The following MBD5 variants were observed in gnomAD, a reference collection of about 807,000 sequenced individuals.
The protein encoded by MBD5 is methyl-CpG binding domain protein 5.
Under a neutral mutation model 117.3 loss-of-function variants are expected in MBD5, and 13 were observed. The observed-to-expected ratio is 0.11, with a 90% CI of 0.07 to 0.18. The LOEUF is 0.18. Among genes scored for constraint, MBD5 ranks in the 10% least tolerant of loss-of-function variants. The pLI, the probability that MBD5 is intolerant of heterozygous loss-of-function variation, is 1.00. For synonymous variants in MBD5, 727 were observed against 766.4 expected (o/e 0.95, Z 0.85); for missense variants, 1,879 against 2,093.8 (o/e 0.90, Z 2.00).
intron 4 of MBD5, among the ~76,000 whole-genome samples, chr2:148,447,178 G>GGAAGGAAA (rs1706570693): frequency 7.3e-6 from 1 of 137,650 alleles, no homozygotes; most frequent in African/African-American, 2.9e-5. Context: ...AAAGGAAGAA[G>GGAAGGAAA]GAAAGAAAGA....
chr2:148,367,971 A>G (rs761055785), intron 4 of MBD5, among the ~76,000 whole-genome samples: 4 of 152,226 alleles, frequency 2.6e-5, no homozygotes, highest in Non-Finnish European at 5.9e-5. Context: ...CAATCCCATT[A>G]CTGGTTATAT....
At chr2:148,300,060 AT>A (rs796281757) in intron 3 of MBD5, among the ~76,000 whole-genome samples, 30 of 147,722 alleles carry the variant, frequency 2.0e-4, no homozygotes, top group South Asian at 4.3e-4. Flanking sequence ...ACATTTGGGG[AT>A]TTTTTTTTTT....
At chr2:148,080,198 G>C (rs1040278747) in intron 1 of MBD5, among the ~76,000 whole-genome samples, 9 of 152,166 alleles carry the variant, frequency 5.9e-5, no homozygotes, top group African/African-American at 1.9e-4. Flanking sequence ...ACAGCAGGCA[G>C]GCATTCATGT....
At chr2:148,426,273 A>C (rs1285407758) in intron 4 of MBD5, among the ~76,000 whole-genome samples, 6 of 152,186 alleles carry the variant, frequency 3.9e-5, no homozygotes, top group Non-Finnish European at 5.9e-5. Flanking sequence ...GCTACCAATG[A>C]CTTTCTTCAC....
intron 4 of MBD5, among the ~76,000 whole-genome samples, chr2:148,373,559 A>C (rs1234553353): frequency 1.3e-5 from 2 of 152,134 alleles, no homozygotes; most frequent in Non-Finnish European, 2.9e-5. Context: ...AGAGCATGCT[A>C]TTCTAGAGCC....
intron 11 of MBD5, among the ~76,000 whole-genome samples, chr2:148,495,307 G>A (rs1180097172): frequency 3.9e-5 from 6 of 152,112 alleles, no homozygotes; most frequent in Admixed American, 3.9e-4. Flanking sequence ...TAAATTTAAA[G>A]AAAATGCTCT....
At chr2:148,244,967 C>T (rs1394388376) in intron 3 of MBD5, among the ~76,000 whole-genome samples, 2 of 115,968 alleles carry the variant, frequency 1.7e-5, no homozygotes, top group Non-Finnish European at 3.8e-5. Context: ...TTCTCCTTTG[C>T]CATCTTAAAC....
At chr2:148,320,270 TACC>T (rs1333689361) in intron 3 of MBD5, among the ~76,000 whole-genome samples, 3 of 152,166 alleles carry the variant, frequency 2.0e-5, no homozygotes, top group African/African-American at 7.2e-5. Flanking sequence ...TAGATAGAAT[TACC>T]TCCTCCTCGA....
chr2:148,229,432 C>A (rs190006449), intron 2 of MBD5, among the ~76,000 whole-genome samples: 135 of 152,242 alleles, frequency 8.9e-4, no homozygotes, highest in African/African-American at 3.2e-3. Flanking sequence ...TTCCTCAGCA[C>A]AGCCATTTTG....
chr2:148,487,551 G>GA (rs149068485), intron 10 of MBD5, among the ~76,000 whole-genome samples: 4,650 of 152,198 alleles, frequency 0.031, 263 homozygotes, highest in African/African-American at 0.11. Flanking sequence ...GTGTCACTGA[G>GA]AAAAAAGGTA....
chr2:148,175,762 T>C (rs1055361689), intron 1 of MBD5, among the ~76,000 whole-genome samples: 2 of 152,222 alleles, frequency 1.3e-5, no homozygotes, highest in Non-Finnish European at 2.9e-5. Context: ...TTCCTCACTT[T>C]CTTTATCTGT....
intron 4 of MBD5, chr2:148,393,201 T>C (rs1704614196): frequency 1.3e-5 from 2 of 152,156 alleles, no homozygotes; most frequent in South Asian, 4.1e-4. Context: ...AACAAGAAAT[T>C]ACCAGCATGT....
At chr2:148,370,143 A>G (rs2105359583) in intron 4 of MBD5, among the ~76,000 whole-genome samples, 1 of 152,322 alleles carries the variant, frequency 6.6e-6, no homozygotes, top group South Asian at 2.1e-4. Context: ...ACTTTGTGCA[A>G]GAAATTGTCT....
intron 7 of MBD5, 98 bp from the exon 8 acceptor site, chr2:148,468,243 C>A: frequency 1.0e-6 from 1 of 970,368 alleles, no homozygotes. Flanking sequence ...GATGCCCATC[C>A]TCCCTCTCCC....
chr2:148,338,322 T>C (rs1702848882), intron 3 of MBD5, among the ~76,000 whole-genome samples: 1 of 152,178 alleles, frequency 6.6e-6, no homozygotes, highest in Non-Finnish European at 1.5e-5. Flanking sequence ...TTAGTGGTTA[T>C]ATTTGCTTAA....
chr2:148,196,000 G>A (rs1204008901), intron 2 of MBD5, among the ~76,000 whole-genome samples: 1 of 152,158 alleles, frequency 6.6e-6, no homozygotes, highest in Admixed American at 6.6e-5. Context: ...CATTAAAATA[G>A]CAGGTGGGAG....
intron 3 of MBD5, among the ~76,000 whole-genome samples, chr2:148,327,559 C>G (rs9750414): frequency 0.22 from 32,686 of 151,572 alleles, 4,102 homozygotes; most frequent in East Asian, 0.54. Flanking sequence ...TCTTTTTTCT[C>G]TAAACTTCCC....
At chr2:148,259,551 T>G (rs1164989210) in intron 3 of MBD5, among the ~76,000 whole-genome samples, 1 of 152,170 alleles carries the variant, frequency 6.6e-6, no homozygotes, top group Non-Finnish European at 1.5e-5. Flanking sequence ...AATTCTCAGG[T>G]TCTAACTGAG....
intron 3 of MBD5, among the ~76,000 whole-genome samples, chr2:148,332,529 C>G (rs1364320975): frequency 1.3e-5 from 2 of 152,072 alleles, no homozygotes; most frequent in African/African-American, 4.8e-5. Flanking sequence ...CTGAAGATGT[C>G]TTTATTGTTT....
Sources: allele counts gnomAD v4.1 joint callset (sites outside exome capture counted in the v4.1 genomes callset), GRCh38; gene constraint gnomAD v4.1.1; transcripts MANE v1.5; gene names NCBI Gene and HGNC (gene_info 2026-07-23, HGNC 2026-07-21).